The following NELL1 variants were observed in gnomAD, a reference collection of about 807,000 sequenced individuals.
The protein encoded by NELL1 is protein kinase C-binding protein NELL1.
In NELL1, 76 loss-of-function variants were observed where a neutral mutation model predicts 107.4. The observed-to-expected ratio is 0.71, with a 90% CI of 0.59 to 0.86. NELL1 has a LOEUF of 0.86. Ranked by LOEUF, NELL1 falls within the 40% of genes least tolerant of loss-of-function variation. NELL1 has a pLI of 0.00. For synonymous variants in NELL1, 353 were observed against 341.2 expected, an observed-to-expected ratio of 1.03 and a Z score of -0.38; for missense variants, 1,024 against 1,005.5, an observed-to-expected ratio of 1.02 and a Z score of -0.25.
chr11:20,970,872 G>C (rs1419304436), intron 12 of NELL1, among the ~76,000 whole-genome samples: 1 of 150,596 alleles, frequency 6.6e-6, no homozygotes, highest in African/African-American at 2.4e-5. Flanking sequence ...TTGGGTTATG[G>C]AAAAAAAAAT....
chr11:21,305,332 T>A (rs911884355), intron 14 of NELL1, among the ~76,000 whole-genome samples: 6 of 152,012 alleles, frequency 3.9e-5, no homozygotes, highest in African/African-American at 1.2e-4. Flanking sequence ...AATTTTAAAT[T>A]TAATTTAGCA....
At chr11:21,435,516 A>G (rs1270819592) in intron 15 of NELL1, among the ~76,000 whole-genome samples, 1 of 147,188 alleles carries the variant, frequency 6.8e-6, no homozygotes, top group African/African-American at 2.5e-5. Context: ...TTTTTTTACC[A>G]TGAAGAGATG....
intron 4 of NELL1, among the ~76,000 whole-genome samples, chr11:20,880,181 C>G (rs4923131): frequency 0.58 from 88,398 of 152,128 alleles, 28,917 homozygotes; most frequent in Non-Finnish European, 0.74. Flanking sequence ...AATTCCCTGT[C>G]ACAGTGATGT....
chr11:21,145,286 C>T (rs553717656), intron 13 of NELL1, among the ~76,000 whole-genome samples: 12 of 152,254 alleles, frequency 7.9e-5, no homozygotes, highest in African/African-American at 2.9e-4. Flanking sequence ...ATTTATCCAA[C>T]TTATAAGTGG....
At chr11:21,450,249 G>A (rs561493602) in intron 15 of NELL1, among the ~76,000 whole-genome samples, 73 of 152,268 alleles carry the variant, frequency 4.8e-4, no homozygotes, top group African/African-American at 1.7e-3. Flanking sequence ...AGCCATCTGT[G>A]TCATTCTCTT....
At chr11:20,675,996 G>T (rs1023668077) in intron 1 of NELL1, among the ~76,000 whole-genome samples, 1 of 152,008 alleles carries the variant, frequency 6.6e-6, no homozygotes, top group African/African-American at 2.4e-5. Flanking sequence ...CAGTCCTCCT[G>T]CCTCAGCCTC....
At chr11:21,094,830 G>A (rs73462574) in intron 12 of NELL1, among the ~76,000 whole-genome samples, 7,308 of 152,250 alleles carry the variant, frequency 0.048, 186 homozygotes, top group East Asian at 0.059. Context: ...AGGCCACTGG[G>A]CCTGTGATGG....
intron 13 of NELL1, among the ~76,000 whole-genome samples, chr11:21,160,625 C>A: frequency 6.6e-6 from 1 of 152,038 alleles, no homozygotes; most frequent in East Asian, 1.9e-4. Flanking sequence ...TTGAAATTTC[C>A]TTTTGTTTAA....
chr11:21,286,033 T>G (rs886215825), intron 14 of NELL1, among the ~76,000 whole-genome samples: 1 of 152,194 alleles, frequency 6.6e-6, no homozygotes, highest in Non-Finnish European at 1.5e-5. Flanking sequence ...AATTCTACAT[T>G]GTGGAAATGT....
At chr11:21,058,437 T>G (rs1429745140) in intron 12 of NELL1, among the ~76,000 whole-genome samples, 1 of 152,156 alleles carries the variant, frequency 6.6e-6, no homozygotes, top group Non-Finnish European at 1.5e-5. Flanking sequence ...ATCGTTGTTC[T>G]CCTTTGCTGT....
At chr11:21,418,061 A>G (rs1852564139) in intron 15 of NELL1, among the ~76,000 whole-genome samples, 1 of 152,070 alleles carries the variant, frequency 6.6e-6, no homozygotes, top group Admixed American at 6.6e-5. Context: ...TATTATTTTT[A>G]TATATATGAG....
intron 5 of NELL1, among the ~76,000 whole-genome samples, chr11:20,910,617 G>T (rs1433178925): frequency 6.6e-6 from 1 of 152,152 alleles, no homozygotes; most frequent in African/African-American, 2.4e-5. Flanking sequence ...CAATTGTTTA[G>T]TAAATTTTGA....
intron 15 of NELL1, among the ~76,000 whole-genome samples, chr11:21,442,942 C>CTTTTTTTT (rs66501874): frequency 3.1e-4 from 18 of 57,588 alleles, no homozygotes; most frequent in Non-Finnish European, 4.6e-4. Context: ...GCTATCTTTC[C>CTTTTTTTT]TTTTTTTTTT....
At chr11:20,834,199 T>C (rs776416916) in intron 3 of NELL1, among the ~76,000 whole-genome samples, 32 of 152,182 alleles carry the variant, frequency 2.1e-4, no homozygotes, top group Non-Finnish European at 2.9e-4. Flanking sequence ...AGATTTGGAA[T>C]GGATAAATGT....
chr11:20,737,314 G>A (rs1855785116), intron 2 of NELL1, among the ~76,000 whole-genome samples: 1 of 152,004 alleles, frequency 6.6e-6, no homozygotes, highest in African/African-American at 2.4e-5. Context: ...TGGCTCTGGG[G>A]TATCTGTTTT....
intron 14 of NELL1, among the ~76,000 whole-genome samples, chr11:21,254,465 A>T (rs1858719777): frequency 6.6e-6 from 1 of 152,110 alleles, no homozygotes; most frequent in Non-Finnish European, 1.5e-5. Flanking sequence ...TGTTAAGGTA[A>T]CATTTGCTCA....
Position 21,042,654 on chromosome 11 carries a change from T to C in NELL1, c.1301-70935T>C, listed in dbSNP as rs572383066. Among the ~76,000 whole-genome samples, 14 of 152,060 alleles carry C rather than the reference T, an allele frequency of 9.2e-5. No homozygotes were observed. In the East Asian group the frequency reaches 2.7e-3, roughly 30 times the overall value. On this transcript the variant is annotated intron_variant, in intron 12 of 19. Coordinates refer to ENST00000357134, the MANE Select transcript of NELL1 (RefSeq NM_006157.5). ...ATTCTGGAGACAGTGGCTTCCTTAC[T>C]GTAGCTACCTTCTTGTCATCTCTTG...
chr11:20,696,071 G>C (rs913297019), intron 2 of NELL1, among the ~76,000 whole-genome samples: 9 of 152,146 alleles, frequency 5.9e-5, no homozygotes, highest in Non-Finnish European at 7.4e-5. Flanking sequence ...TGTGCATAGA[G>C]ATGTGTATAG....
intron 13 of NELL1, among the ~76,000 whole-genome samples, chr11:21,161,758 G>C (rs1210496153): frequency 6.6e-6 from 1 of 151,374 alleles, no homozygotes; most frequent in Non-Finnish European, 1.5e-5. Context: ...TATTAATATA[G>C]AATTATTGAG....
Sources: gnomAD v4.1 joint callset for allele counts (sites outside exome capture counted in the v4.1 genomes callset) on GRCh38, gnomAD v4.1.1 for gene constraint, MANE v1.5 for transcripts, NCBI Gene and HGNC (gene_info 2026-07-23, HGNC 2026-07-21) for gene names.